PCLO: variants seen among roughly 807,000 people sequenced by gnomAD.
PCLO encodes piccolo presynaptic cytomatrix protein, also known as protein piccolo.
PCLO carries 82 observed loss-of-function variants against 427.5 expected under a neutral mutation model. That is an observed-to-expected ratio of 0.19 (90% CI 0.16 to 0.23). The LOEUF (loss-of-function observed/expected upper bound fraction) is 0.23, where lower values mean the gene tolerates loss of function less well. PCLO is among the 10% of genes least tolerant of loss of function. The pLI is 1.00. For synonymous variants in PCLO, 2,357 were observed against 2,155.4 expected (o/e 1.09, Z -2.59); for missense variants, 6,239 against 6,115.9 (o/e 1.02, Z -0.67).
chr7:82,810,137 A>G (rs1320934253), intron 20 of PCLO, among the ~76,000 whole-genome samples: 1 of 114,778 alleles, frequency 8.7e-6, no homozygotes, highest in East Asian at 6.9e-4. Context: ...TAAGTGTAAT[A>G]TATCTCTATT....
intron 3 of PCLO, among the ~76,000 whole-genome samples, chr7:82,999,300 T>C (rs1583888409): frequency 1.4e-5 from 2 of 142,296 alleles, no homozygotes; most frequent in South Asian, 2.1e-4. Context: ...TATAATATTA[T>C]ATATTAAATA....
intron 3 of PCLO, among the ~76,000 whole-genome samples, chr7:83,112,950 C>T (rs1183321977): frequency 2.0e-5 from 3 of 152,140 alleles, no homozygotes; most frequent in African/African-American, 7.2e-5. Context: ...TTTCATTAAG[C>T]AGCTTAACTC....
At chr7:83,048,908 T>C (rs977818905) in intron 3 of PCLO, among the ~76,000 whole-genome samples, 1 of 152,182 alleles carries the variant, frequency 6.6e-6, no homozygotes, top group African/African-American at 2.4e-5. Flanking sequence ...TTTACCTATA[T>C]TTGTATGATC....
At position 83,070,145 on chromosome 7, in the gene PCLO, C is replaced by T. The variant is rs543823637; in HGVS notation, c.3300+64105G>A. On this transcript the variant is annotated intron_variant, in intron 3 of 24. Coordinates refer to ENST00000333891, the MANE Select transcript of PCLO (RefSeq NM_033026.6). ...TTCAATTTCTCTCTCTGGGAAAAGC[C>T]ATATTGGAAAAAACTCTACAGAGAA... 1.8e-4 allele frequency among the ~76,000 whole-genome samples: 28 copies of T among 152,126 alleles called. 1 individual carries two copies. Among genetic ancestry groups the T allele is most frequent in the South Asian group, 1.5e-3 (7 of 4,822 alleles).
chr7:82,764,177 A>G (rs2129467639), intron 22 of PCLO, among the ~76,000 whole-genome samples: 1 of 152,090 alleles, frequency 6.6e-6, no homozygotes, highest in Non-Finnish European at 1.5e-5. Context: ...GGAAAGCAGA[A>G]TGGGATTACT....
At chr7:83,134,222 T>TATATAC (rs1349185181) in intron 3 of PCLO, 28 bp downstream of exon 3, 1 of 488,722 alleles carries the variant, frequency 2.0e-6, no homozygotes, top group Non-Finnish European at 3.0e-6. Context: ...ATATGTAATA[T>TATATAC]ATATATATAT....
At chr7:83,023,603 A>T (rs1480764092) in intron 3 of PCLO, among the ~76,000 whole-genome samples, 1 of 152,194 alleles carries the variant, frequency 6.6e-6, no homozygotes, top group Non-Finnish European at 1.5e-5. Flanking sequence ...AGCACAAAAG[A>T]CTGTGCCACT....
intron 2 of PCLO, among the ~76,000 whole-genome samples, chr7:83,137,935 T>A (rs1176222649): frequency 6.6e-6 from 1 of 151,982 alleles, no homozygotes; most frequent in Non-Finnish European, 1.5e-5. Context: ...TGTAAGAAAA[T>A]TTTCACTCCA....
intron 6 of PCLO, among the ~76,000 whole-genome samples, chr7:82,941,584 C>T (rs1476447659): frequency 1.3e-5 from 2 of 152,070 alleles, no homozygotes; most frequent in Non-Finnish European, 1.5e-5. Flanking sequence ...GTTTGGATCA[C>T]AACCAAGCAA....
At position 82,914,846 on chromosome 7, in the gene PCLO, G is replaced by A. The variant is rs747294452; in HGVS notation, c.13140C>T (p.Pro4380=). The A allele has an allele frequency of 6.2e-7, 1 of 1,613,458 alleles. No homozygotes were observed. Among genetic ancestry groups the A allele is most frequent in the Non-Finnish European group, 8.5e-7 (1 of 1,179,698 alleles). Residue 4380 remains proline, a synonymous_variant, in exon 7 of 25, where the codon CCC becomes CCT. Transcript: ENST00000333891. ...TGGTGTCTGCAGATATTGGTGGCAG[G>A]GGTCCAGCTGCAGCCCTGGCCATTC... ...PMGMARAAAG[P]LPPISADTRD...
chr7:82,864,415 G>T (rs566176760), intron 10 of PCLO, among the ~76,000 whole-genome samples: 4 of 152,160 alleles, frequency 2.6e-5, no homozygotes, highest in African/African-American at 9.6e-5. Context: ...TGGGTGTATA[G>T]ATGGGAGGTG....
At chr7:83,025,252 T>C (rs1161413153) in intron 3 of PCLO, among the ~76,000 whole-genome samples, 1 of 151,708 alleles carries the variant, frequency 6.6e-6, no homozygotes, top group Non-Finnish European at 1.5e-5. Flanking sequence ...TACAGAGAAG[T>C]GCTTAAAGGA....
chr7:82,802,476 A>G (rs974975637), intron 21 of PCLO, among the ~76,000 whole-genome samples: 1 of 152,172 alleles, frequency 6.6e-6, no homozygotes, highest in African/African-American at 2.4e-5. Context: ...TAAGCTTAGA[A>G]TGTTAATAAT....
At chr7:82,859,972 AAGCAAAAGAAAGG>A (rs373176091) in intron 10 of PCLO, among the ~76,000 whole-genome samples, 16 of 152,292 alleles carry the variant, frequency 1.1e-4, no homozygotes, top group African/African-American at 3.8e-4. Context: ...AGAATTGATC[AAGCAAAAGAAAGG>A]ATTAGTGAGC....
chr7:82,897,194 T>C lies in PCLO; in HGVS notation c.13528+5457A>G, dbSNP rs1484595519. Among the ~76,000 whole-genome samples the C allele has an allele frequency of 2.0e-5, 3 of 151,732 alleles. No homozygotes were observed. The East Asian group carries it at 5.8e-4, about 29-fold the overall frequency. ...TCATTTTATTTACAGATGAACAAAC[T>C]TATTCTCAAAATTTACATGTGTTAG... On this transcript the variant is annotated intron_variant, in intron 9 of 24. Transcript: ENST00000333891.
chr7:83,118,292 T>C (rs1307290005), intron 3 of PCLO, among the ~76,000 whole-genome samples: 1 of 152,002 alleles, frequency 6.6e-6, no homozygotes, highest in African/African-American at 2.4e-5. Context: ...CAGAGCAAAA[T>C]GGCCAGAAAG....
intron 22 of PCLO, among the ~76,000 whole-genome samples, chr7:82,775,358 A>G (rs952365783): frequency 5.3e-5 from 8 of 152,208 alleles, no homozygotes; most frequent in African/African-American, 1.7e-4. Flanking sequence ...CCCACTGGCA[A>G]CGAATGAGCA....
At chr7:82,767,983 G>T (rs1306799817) in intron 22 of PCLO, among the ~76,000 whole-genome samples, 3 of 150,608 alleles carry the variant, frequency 2.0e-5, no homozygotes, top group Non-Finnish European at 4.4e-5. Flanking sequence ...AAGCAAAAAG[G>T]AGGGAGGGAG....
chr7:82,997,381 C>T (rs892079650), intron 3 of PCLO, among the ~76,000 whole-genome samples: 4 of 151,900 alleles, frequency 2.6e-5, no homozygotes, highest in East Asian at 3.9e-4. Flanking sequence ...ACAGATATAG[C>T]TGTTACCATT....
Sources: allele counts gnomAD v4.1 joint callset (sites outside exome capture counted in the v4.1 genomes callset), GRCh38; gene constraint gnomAD v4.1.1; transcripts MANE v1.5; gene names NCBI Gene and HGNC (gene_info 2026-07-23, HGNC 2026-07-21).